Variants in TCF12 observed in about 807,000 individuals in gnomAD.
TCF12 encodes the protein DNA-binding protein HTF4.
A neutral mutation model predicts 86.0 loss-of-function variants in TCF12; 45 were observed. The ratio of observed to expected loss-of-function variants is 0.52; its 90% CI spans 0.41 to 0.67. The LOEUF (loss-of-function observed/expected upper bound fraction) is 0.67, where lower values mean the gene tolerates loss of function less well. TCF12 is among the 30% of genes least tolerant of loss of function. The pLI is 0.00. For missense variants in TCF12, 881 were observed against 859.9 expected, an observed-to-expected ratio of 1.02 and a Z score of -0.31; for synonymous variants, 330 against 299.6, an observed-to-expected ratio of 1.10 and a Z score of -1.05.
At chr15:57,048,567 A>G (rs558487834) in intron 3 of TCF12, among the ~76,000 whole-genome samples, 3 of 152,052 alleles carry the variant, frequency 2.0e-5, no homozygotes, top group South Asian at 4.2e-4. Context: ...AGCCTCCTCC[A>G]CTGAAGTTTT....
chr15:57,155,967 G>A (rs568959543), intron 5 of TCF12, among the ~76,000 whole-genome samples: 186 of 152,204 alleles, frequency 1.2e-3, no homozygotes, highest in African/African-American at 4.4e-3. Context: ...TATTACATAG[G>A]TAGAGGCTGT....
At chr15:56,947,720 T>C (rs891410124) in intron 3 of TCF12, among the ~76,000 whole-genome samples, 4 of 152,192 alleles carry the variant, frequency 2.6e-5, no homozygotes, top group East Asian at 1.9e-4. Context: ...TCTTTCCTTT[T>C]AGGAAGGTAA....
At chr15:56,939,328 GT>G (rs1349254229) in intron 3 of TCF12, among the ~76,000 whole-genome samples, 2 of 152,122 alleles carry the variant, frequency 1.3e-5, no homozygotes, top group Non-Finnish European at 2.9e-5. Flanking sequence ...GCTAAGGTCA[GT>G]ATGGCAGCTA....
At chr15:57,234,388 A>C (rs1418057340) in intron 12 of TCF12, among the ~76,000 whole-genome samples, 1 of 152,246 alleles carries the variant, frequency 6.6e-6, no homozygotes, top group Non-Finnish European at 1.5e-5. Flanking sequence ...TAAGTGGTCC[A>C]TTAAAATAAG....
intron 5 of TCF12, among the ~76,000 whole-genome samples, chr15:57,163,263 C>T (rs560531782): frequency 2.3e-3 from 354 of 152,164 alleles, no homozygotes; most frequent in Non-Finnish European, 4.3e-3. Context: ...TGATATGATA[C>T]ATAATTATTT....
rs374734642 is a variant in TCF12 at position 57,150,873 on chromosome 15, CCCTTCCTTCCTTCCTTCCTTCCTT to C, written c.326-15487_326-15464del. Among the ~76,000 whole-genome samples, 183 of 40,674 alleles carry C rather than the reference CCCTTCCTTCCTTCCTTCCTTCCTT, an allele frequency of 4.5e-3. 3 individuals carry two copies. Among genetic ancestry groups the C allele is most frequent in the African/African-American group, 0.014 (179 of 13,058 alleles). 26.7% of individuals were successfully genotyped at this position (40,674 alleles called of 152,430 possible). On this transcript the variant is annotated intron_variant, in intron 5 of 20. Coordinates refer to ENST00000333725, the MANE Select transcript of TCF12 (RefSeq NM_207037.2). ...TCCCTCCCTGTCTCTCCCCCTCTGT[CCCTTCCTTCCTTCCTTCCTTCCTT>C]CCTTCCTTCCTTCCTTCCTTCCTTC...
intron 3 of TCF12, among the ~76,000 whole-genome samples, chr15:56,999,368 A>G (rs2063889587): frequency 6.6e-6 from 1 of 151,050 alleles, no homozygotes; most frequent in South Asian, 2.1e-4. Context: ...CTTTAGCAAT[A>G]CAGCAGAAAA....
chr15:57,171,684 C>G (rs2055511756), intron 6 of TCF12, among the ~76,000 whole-genome samples: 1 of 152,068 alleles, frequency 6.6e-6, no homozygotes. Context: ...ACATTCACAA[C>G]AATCACATTA....
intron 16 of TCF12, among the ~76,000 whole-genome samples, chr15:57,261,267 G>A (rs2060573478): frequency 6.6e-6 from 1 of 152,122 alleles, no homozygotes. Context: ...AACATTTCAT[G>A]GAAAGTGTGG....
chr15:57,275,359 T>TGTGTGTGTGTGTGTGTGTAC, intron 19 of TCF12, among the ~76,000 whole-genome samples: 1 of 23,996 alleles, frequency 4.2e-5, no homozygotes, highest in East Asian at 1.4e-3. Flanking sequence ...TGTGTGTGTG[T>TGTGTGTGTGTGTGTGTGTAC]GTGTACGTAT....
chr15:56,993,211 A>G (rs1414415067), intron 3 of TCF12, among the ~76,000 whole-genome samples: 2 of 152,212 alleles, frequency 1.3e-5, no homozygotes. Flanking sequence ...GGAACAGGAA[A>G]GATAACTGCT....
At chr15:57,198,176 T>C (rs1773183398) in intron 8 of TCF12, among the ~76,000 whole-genome samples, 1 of 152,142 alleles carries the variant, frequency 6.6e-6, no homozygotes, top group Non-Finnish European at 1.5e-5. Context: ...CAGACAGAGA[T>C]TAATAGCTGA....
intron 3 of TCF12, among the ~76,000 whole-genome samples, chr15:57,039,623 G>A (rs2585102): frequency 0.53 from 81,025 of 151,606 alleles, 22,465 homozygotes; most frequent in African/African-American, 0.67. Flanking sequence ...GTTGCTTTGA[G>A]TAGTCCATGT....
intron 3 of TCF12, among the ~76,000 whole-genome samples, chr15:57,028,516 T>C (rs2065957070): frequency 6.6e-6 from 1 of 152,224 alleles, no homozygotes; most frequent in African/African-American, 2.4e-5. Context: ...GTATCTTCTT[T>C]TGCCCGTTTT....
intron 5 of TCF12, among the ~76,000 whole-genome samples, chr15:57,120,528 T>G (rs2051156368): frequency 6.6e-6 from 1 of 152,334 alleles, no homozygotes; most frequent in East Asian, 1.9e-4. Flanking sequence ...ATGTTTTGGC[T>G]TTTGTTATAG....
At chr15:57,208,241 C>T (rs1442153771) in intron 8 of TCF12, among the ~76,000 whole-genome samples, 1 of 151,776 alleles carries the variant, frequency 6.6e-6, no homozygotes, top group Non-Finnish European at 1.5e-5. Flanking sequence ...ACCATCTTGG[C>T]CAGGCTGGTC....
chr15:57,239,733 G>A (rs756478694), intron 12 of TCF12, among the ~76,000 whole-genome samples: 4 of 152,196 alleles, frequency 2.6e-5, no homozygotes, highest in Non-Finnish European at 5.9e-5. Flanking sequence ...GAAGGGTAGA[G>A]TGGCAGAGGA....
chr15:57,174,218 C>T (rs768484520), intron 6 of TCF12, among the ~76,000 whole-genome samples: 8 of 152,156 alleles, frequency 5.3e-5, no homozygotes, highest in Non-Finnish European at 1.2e-4. Context: ...AATACTCAAA[C>T]AACACGTGTG....
chr15:57,198,602 T>C (rs2151747905), intron 8 of TCF12, among the ~76,000 whole-genome samples: 1 of 152,312 alleles, frequency 6.6e-6, no homozygotes, highest in African/African-American at 2.4e-5. Context: ...TAAATCTACC[T>C]ACAATTTTTA....
Sources: gnomAD v4.1 joint callset for allele counts (sites outside exome capture counted in the v4.1 genomes callset) on GRCh38, gnomAD v4.1.1 for gene constraint, MANE v1.5 for transcripts, NCBI Gene and HGNC (gene_info 2026-07-23, HGNC 2026-07-21) for gene names.